Variants in OSBPL9 observed in about 807,000 individuals in gnomAD.
OSBPL9 encodes oxysterol binding protein like 9.
Under a neutral mutation model 106.6 loss-of-function variants are expected in OSBPL9, and 40 were observed. The observed-to-expected ratio is 0.38, with a 90% CI of 0.29 to 0.49. The LOEUF (loss-of-function observed/expected upper bound fraction) is 0.49. Ranked by LOEUF, OSBPL9 falls within the 20% of genes least tolerant of loss-of-function variation. OSBPL9 has a pLI of 0.97. For synonymous variants in OSBPL9, 269 were observed against 295.4 expected (o/e 0.91, Z 0.92); for missense variants, 609 against 887.2 (o/e 0.69, Z 3.98).
At chr1:51,557,732 T>C in the OSBPL9 span, among the ~76,000 whole-genome samples, 1 of 152,200 alleles carries the variant, frequency 6.6e-6, no homozygotes, top group African/African-American at 2.4e-5. Flanking sequence ...AGTGTTCTCA[T>C]CAGTAAAATG....
intron 1 of OSBPL9, among the ~76,000 whole-genome samples, chr1:51,621,350 T>G (rs1230408694): frequency 6.6e-6 from 1 of 152,018 alleles, no homozygotes; most frequent in African/African-American, 2.4e-5. Flanking sequence ...AAATTTGCCC[T>G]GCTGTGGCCA....
At chr1:51,617,327 G>C in intron 1 of OSBPL9, 106 bp downstream of exon 1, 1 of 1,157,840 alleles carries the variant, frequency 8.6e-7, no homozygotes, top group South Asian at 1.6e-5. Flanking sequence ...CTAGTCTGGG[G>C]GTGCCGCCGT....
the OSBPL9 span, among the ~76,000 whole-genome samples, chr1:51,521,319 G>A: frequency 2.6e-5 from 4 of 152,130 alleles, no homozygotes; most frequent in African/African-American, 9.7e-5. Flanking sequence ...GGAGCAAATC[G>A]CTTTGGGGAG....
At chr1:51,558,146 G>A in the OSBPL9 span, among the ~76,000 whole-genome samples, 63 of 152,092 alleles carry the variant, frequency 4.1e-4, no homozygotes, top group African/African-American at 1.4e-3. Context: ...CAGGCGTAGT[G>A]GCGGGCGCCT....
In OSBPL9 at chr1:51,789,185, A is replaced by C; in HGVS notation, c.*1396A>C. On this transcript the variant is annotated 3_prime_UTR_variant, in exon 24 of 24. Coordinates refer to ENST00000428468, the MANE Select transcript of OSBPL9 (RefSeq NM_024586.6). ...ATAACTAACTCCATAAAATACAAACAAACACATTTTAAAATACACATTGCT... is the reference window on the plus strand; with the variant it reads ...ATAACTAACTCCATAAAATACAAACCAACACATTTTAAAATACACATTGCT... 2 of 1,545,618 alleles carry C rather than the reference A, an allele frequency of 1.3e-6. No individual in the cohort carries two copies. Among genetic ancestry groups the C allele is most frequent in the Non-Finnish European group, 1.8e-6 (2 of 1,118,500 alleles).
chr1:51,751,232 A>G (rs1669169037), intron 8 of OSBPL9, among the ~76,000 whole-genome samples: 1 of 152,014 alleles, frequency 6.6e-6, no homozygotes, highest in African/African-American at 2.4e-5. Context: ...GGTTACAGGC[A>G]TGCACCACCA....
chr1:51,582,231 A>C (rs1645224563), intron 1 of OSBPL9, among the ~76,000 whole-genome samples: 1 of 152,196 alleles, frequency 6.6e-6, no homozygotes, highest in African/African-American at 2.4e-5. Context: ...CCAAAGTCTC[A>C]CTGCATCCAA....
intron 1 of OSBPL9, among the ~76,000 whole-genome samples, chr1:51,643,450 C>G (rs927363981): frequency 3.9e-5 from 6 of 152,060 alleles, no homozygotes; most frequent in Non-Finnish European, 8.8e-5. Flanking sequence ...AAAGGCACTT[C>G]AGGCAATGAG....
chr1:51,678,734 G>GTTTA (rs1235455554), intron 3 of OSBPL9, among the ~76,000 whole-genome samples: 1 of 152,160 alleles, frequency 6.6e-6, no homozygotes, highest in Non-Finnish European at 1.5e-5. Flanking sequence ...GAAGGAAAGT[G>GTTTA]TTTAATTCAG....
chr1:51,774,672 G>A (rs1478610588), intron 14 of OSBPL9, among the ~76,000 whole-genome samples: 1 of 152,120 alleles, frequency 6.6e-6, no homozygotes, highest in African/African-American at 2.4e-5. Flanking sequence ...GAGAAATTGA[G>A]TTAATTTTTC....
At chr1:51,701,215 C>T (rs1441444302) in intron 3 of OSBPL9, among the ~76,000 whole-genome samples, 1 of 152,236 alleles carries the variant, frequency 6.6e-6, no homozygotes, top group Non-Finnish European at 1.5e-5. Context: ...GATGGGATTA[C>T]AGGCGTGAGC....
intron 3 of OSBPL9, among the ~76,000 whole-genome samples, chr1:51,687,189 C>T (rs756072883): frequency 2.1e-4 from 32 of 152,272 alleles, no homozygotes; most frequent in Admixed American, 3.9e-4. Context: ...GAAAATCCCA[C>T]ACACTGAGGA....
At chr1:51,603,879 T>C (rs937256343) in intron 2 of OSBPL9, among the ~76,000 whole-genome samples, 2 of 152,112 alleles carry the variant, frequency 1.3e-5, no homozygotes, top group African/African-American at 4.8e-5. Flanking sequence ...ATGTATACAT[T>C]ATTAAGCTAG....
intron 2 of OSBPL9, among the ~76,000 whole-genome samples, chr1:51,603,638 A>G (rs969146720): frequency 4.6e-5 from 7 of 152,066 alleles, no homozygotes; most frequent in African/African-American, 1.7e-4. Flanking sequence ...TTTTTATTGT[A>G]GTTGTATTAT....
intron 16 of OSBPL9, 116 bp from the exon 17 acceptor site, chr1:51,782,441 AAT>A: frequency 8.3e-5 from 55 of 662,802 alleles, no homozygotes; most frequent in Middle Eastern, 3.2e-4. Context: ...CTACAATAGA[AAT>A]ATATATATAG....
intron 2 of OSBPL9, among the ~76,000 whole-genome samples, chr1:51,606,833 G>T (rs1030377519): frequency 1.3e-5 from 2 of 152,138 alleles, no homozygotes; most frequent in African/African-American, 2.4e-5. Context: ...CAGATCACGA[G>T]GTCAGGAGAT....
At chr1:51,664,693 AAAAT>A (rs929788366) in intron 2 of OSBPL9, among the ~76,000 whole-genome samples, 7 of 151,468 alleles carry the variant, frequency 4.6e-5, no homozygotes, top group Admixed American at 2.0e-4. Flanking sequence ...CTCTGTTTCA[AAAAT>A]AAATAAATAA....
At chr1:51,756,564 G>C (rs983694236) in intron 9 of OSBPL9, 1 of 544,772 alleles carries the variant, frequency 1.8e-6, no homozygotes, top group African/African-American at 1.9e-5. Context: ...TTCTAAGTGT[G>C]GGTTCAGATT....
chr1:51,739,010 G>A (rs1264117332), intron 4 of OSBPL9, among the ~76,000 whole-genome samples: 2 of 151,988 alleles, frequency 1.3e-5, no homozygotes, highest in African/African-American at 2.4e-5. Context: ...ATGAGAAAAT[G>A]TAAGTGAAAA....
Sources: gnomAD v4.1 joint callset for allele counts (sites outside exome capture counted in the v4.1 genomes callset) on GRCh38, gnomAD v4.1.1 for gene constraint, MANE v1.5 for transcripts, NCBI Gene and HGNC (gene_info 2026-07-23, HGNC 2026-07-21) for gene names.